PTPRM: variants seen among roughly 807,000 people sequenced by gnomAD.
PTPRM encodes the protein receptor-type tyrosine-protein phosphatase mu.
In PTPRM, 47 loss-of-function variants were observed where a neutral mutation model predicts 186.7. The ratio of observed to expected loss-of-function variants is 0.25; its 90% CI spans 0.20 to 0.32. The LOEUF (loss-of-function observed/expected upper bound fraction) is 0.32. Ranked by LOEUF, PTPRM falls within the 10% of genes least tolerant of loss-of-function variation. PTPRM has a pLI of 1.00. For missense variants in PTPRM, 1,494 were observed against 1,865.0 expected, an observed-to-expected ratio of 0.80 and a Z score of 3.66; for synonymous variants, 668 against 674.9, an observed-to-expected ratio of 0.99 and a Z score of 0.16.
chr18:8,148,765 C>T (rs1319939216), intron 14 of PTPRM, among the ~76,000 whole-genome samples: 1 of 152,082 alleles, frequency 6.6e-6, no homozygotes, highest in African/African-American at 2.4e-5. Flanking sequence ...TTCGATCTTT[C>T]CTGCTTTCTC....
At chr18:8,130,994 A>G (rs1017298111) in intron 13 of PTPRM, among the ~76,000 whole-genome samples, 1 of 152,198 alleles carries the variant, frequency 6.6e-6, no homozygotes, top group Non-Finnish European at 1.5e-5. Flanking sequence ...AAGGCAGTGG[A>G]AATAGCAGTT....
intron 5 of PTPRM, among the ~76,000 whole-genome samples, chr18:7,940,326 A>G (rs1210265923): frequency 2.0e-5 from 3 of 152,214 alleles, no homozygotes; most frequent in Admixed American, 6.5e-5. Flanking sequence ...AGTAGGGGAG[A>G]TAGAGAGCAA....
intron 3 of PTPRM, among the ~76,000 whole-genome samples, chr18:7,894,565 G>A (rs1599344870): frequency 6.6e-6 from 1 of 151,854 alleles, no homozygotes; most frequent in Middle Eastern, 3.4e-3. Context: ...CAGCCTAGGG[G>A]GCAGAGCAAG....
chr18:8,327,221 A>T (rs1468237356), intron 22 of PTPRM, among the ~76,000 whole-genome samples: 1 of 152,190 alleles, frequency 6.6e-6, no homozygotes, highest in African/African-American at 2.4e-5. Context: ...TCTTCCTTTT[A>T]TGCTCAGAGG....
At chr18:8,352,734 C>T (rs762974312) in intron 23 of PTPRM, among the ~76,000 whole-genome samples, 9 of 150,558 alleles carry the variant, frequency 6.0e-5, no homozygotes, top group East Asian at 5.9e-4. Context: ...TGCAGTGGCA[C>T]GATCTTGGCT....
At chr18:7,972,743 TG>T (rs2054646652) in intron 7 of PTPRM, among the ~76,000 whole-genome samples, 1 of 152,112 alleles carries the variant, frequency 6.6e-6, no homozygotes, top group Non-Finnish European at 1.5e-5. Context: ...AAGTCATAGA[TG>T]TGATATAAGA....
intron 2 of PTPRM, among the ~76,000 whole-genome samples, chr18:7,866,739 C>G (rs564629520): frequency 4.6e-5 from 7 of 152,212 alleles, no homozygotes; most frequent in Non-Finnish European, 1.0e-4. Context: ...TCCTGAATAT[C>G]CTTGTTAATT....
At chr18:7,997,495 A>C (rs1410876713) in intron 7 of PTPRM, among the ~76,000 whole-genome samples, 3 of 152,288 alleles carry the variant, frequency 2.0e-5, no homozygotes, top group African/African-American at 7.2e-5. Context: ...TTGTTAAAAT[A>C]TTGAAAACAC....
rs577187113 is a variant in PTPRM, at chr18:7,881,970, T to C, written c.197-6136T>C. ...TTAAGAAAGCAGATTTTTCTTTTTT[T>C]CATTCTTTTCTTTCAATTTTCCTCA... On this transcript the variant is annotated intron_variant, in intron 2 of 32. Transcript: ENST00000580170. 1.2e-4 allele frequency among the ~76,000 whole-genome samples: 18 copies of C among 152,324 alleles called. No homozygotes were observed. The South Asian group carries it at 2.9e-3, about 25-fold the overall frequency.
chr18:7,842,839 T>TAGAG (rs1336393443), intron 2 of PTPRM, among the ~76,000 whole-genome samples: 4,184 of 85,154 alleles, frequency 0.049, 124 homozygotes, highest in East Asian at 0.31. Flanking sequence ...TATATATATA[T>TAGAG]ATAGAGAGAG....
intron 19 of PTPRM, among the ~76,000 whole-genome samples, chr18:8,292,275 C>CATA (rs2095051066): frequency 6.6e-6 from 1 of 152,096 alleles, no homozygotes; most frequent in Non-Finnish European, 1.5e-5. Context: ...AGAAAAAAGC[C>CATA]ATAACATTCA....
At chr18:8,375,553 C>T (rs1568857670) in intron 24 of PTPRM, among the ~76,000 whole-genome samples, 1 of 152,230 alleles carries the variant, frequency 6.6e-6, no homozygotes, top group Non-Finnish European at 1.5e-5. Flanking sequence ...TGAGCATGCT[C>T]AGTGAGTGTG....
At chr18:7,836,436 T>G (rs2145786543) in intron 2 of PTPRM, among the ~76,000 whole-genome samples, 1 of 152,312 alleles carries the variant, frequency 6.6e-6, no homozygotes, top group Admixed American at 6.5e-5. Flanking sequence ...CACTATGTCT[T>G]GAAAAGTTGT....
chr18:8,376,310 C>A, intron 25 of PTPRM, 110 bp downstream of exon 25: 3 of 1,535,264 alleles, frequency 2.0e-6, no homozygotes, highest in Non-Finnish European at 1.8e-6. Context: ...GATGATTGCA[C>A]AACATTTTGG....
intron 2 of PTPRM, among the ~76,000 whole-genome samples, chr18:7,864,282 C>T (rs944915348): frequency 2.0e-5 from 3 of 152,172 alleles, no homozygotes; most frequent in Non-Finnish European, 2.9e-5. Context: ...ATGCATATGT[C>T]CTGAATGGTA....
At chr18:7,940,010 C>T (rs1257404288) in intron 5 of PTPRM, among the ~76,000 whole-genome samples, 1 of 152,162 alleles carries the variant, frequency 6.6e-6, no homozygotes, top group Non-Finnish European at 1.5e-5. Flanking sequence ...ACTGACCTCT[C>T]CAGGTGTCAC....
chr18:7,742,151 AGT>A (rs1398642980), intron 1 of PTPRM, among the ~76,000 whole-genome samples: 4 of 152,230 alleles, frequency 2.6e-5, no homozygotes, highest in Non-Finnish European at 5.9e-5. Flanking sequence ...ATGGTAGCAC[AGT>A]GTAAGAAATT....
chr18:7,777,392 T>G (rs2042639378), intron 2 of PTPRM, among the ~76,000 whole-genome samples: 1 of 152,112 alleles, frequency 6.6e-6, no homozygotes, highest in Admixed American at 6.5e-5. Context: ...AAATGCAGCG[T>G]TTACAAGTTT....
At chr18:7,785,336 T>C (rs2043048322) in intron 2 of PTPRM, among the ~76,000 whole-genome samples, 1 of 152,176 alleles carries the variant, frequency 6.6e-6, no homozygotes, top group South Asian at 2.1e-4. Context: ...CCAAAAAGCA[T>C]ATGAATATGT....
Sources: allele counts gnomAD v4.1 joint callset (sites outside exome capture counted in the v4.1 genomes callset), GRCh38; gene constraint gnomAD v4.1.1; transcripts MANE v1.5; gene names NCBI Gene and HGNC (gene_info 2026-07-23, HGNC 2026-07-21).